CTNND2: variants seen among roughly 807,000 people sequenced by gnomAD.
The protein encoded by CTNND2 is catenin delta 2, also known as catenin delta-2.
CTNND2 carries 22 observed loss-of-function variants against 144.4 expected under a neutral mutation model. The ratio of observed to expected loss-of-function variants is 0.15; its 90% CI spans 0.11 to 0.22. The LOEUF is 0.22. Among genes scored for constraint, CTNND2 ranks in the 10% least tolerant of loss-of-function variants. CTNND2 has a pLI of 1.00. For synonymous variants in CTNND2, 751 were observed against 695.6 expected (o/e 1.08, Z -1.25); for missense variants, 1,353 against 1,618.8 (o/e 0.84, Z 2.82).
At chr5:11,654,900 C>T (rs13183398) in intron 2 of CTNND2, among the ~76,000 whole-genome samples, 15,078 of 151,812 alleles carry the variant, frequency 0.099, 906 homozygotes, top group African/African-American at 0.15. Context: ...TCATATATGG[C>T]CTTTATTATG....
chr5:11,083,189 AT>A (rs1172146018), intron 15 of CTNND2, among the ~76,000 whole-genome samples: 1 of 152,214 alleles, frequency 6.6e-6, no homozygotes, highest in Non-Finnish European at 1.5e-5. Flanking sequence ...GGCCAGTGGC[AT>A]TAAAGAGAAA....
At chr5:11,488,875 C>T (rs968716352) in intron 3 of CTNND2, among the ~76,000 whole-genome samples, 1 of 152,196 alleles carries the variant, frequency 6.6e-6, no homozygotes, top group Non-Finnish European at 1.5e-5. Context: ...TTCCTTGAAG[C>T]TGTTGTGTAC....
chr5:11,398,322 T>C (rs1011565105), intron 5 of CTNND2, among the ~76,000 whole-genome samples: 14 of 152,212 alleles, frequency 9.2e-5, no homozygotes, highest in African/African-American at 3.4e-4. Flanking sequence ...GAATGGAACA[T>C]GACTTTATAT....
intron 1 of CTNND2, among the ~76,000 whole-genome samples, chr5:11,871,241 G>A (rs1735092291): frequency 6.6e-6 from 1 of 152,118 alleles, no homozygotes; most frequent in East Asian, 1.9e-4. Context: ...GTTCTAGCAG[G>A]CACAAACTGA....
intron 9 of CTNND2, among the ~76,000 whole-genome samples, chr5:11,265,432 C>A (rs1745335938): frequency 6.6e-6 from 1 of 152,164 alleles, no homozygotes. Flanking sequence ...TGATGTCCCA[C>A]AACACAAGCC....
At chr5:11,759,480 C>T (rs1789135877) in intron 1 of CTNND2, among the ~76,000 whole-genome samples, 1 of 152,018 alleles carries the variant, frequency 6.6e-6, no homozygotes, top group Non-Finnish European at 1.5e-5. Context: ...GGTAGTTATA[C>T]AGATTTTTGT....
chr5:10,991,637 C>T (rs749826276), intron 19 of CTNND2, among the ~76,000 whole-genome samples: 3 of 151,786 alleles, frequency 2.0e-5, no homozygotes, highest in South Asian at 2.1e-4. Context: ...AGTATTTTTA[C>T]GAATACAAGA....
At chr5:11,210,221 AC>A (rs1287798700) in intron 10 of CTNND2, among the ~76,000 whole-genome samples, 6 of 152,020 alleles carry the variant, frequency 3.9e-5, no homozygotes, top group African/African-American at 1.2e-4. Flanking sequence ...ACTTGGCAAA[AC>A]CCTGTCTCTA....
At chr5:11,647,821 T>C (rs1167150593) in intron 2 of CTNND2, among the ~76,000 whole-genome samples, 4 of 152,134 alleles carry the variant, frequency 2.6e-5, no homozygotes, top group Non-Finnish European at 4.4e-5. Context: ...CATCCAGCCA[T>C]GATCTTGCTC....
At chr5:11,428,131 A>C (rs1464797374) in intron 3 of CTNND2, among the ~76,000 whole-genome samples, 1 of 152,058 alleles carries the variant, frequency 6.6e-6, no homozygotes, top group African/African-American at 2.4e-5. Flanking sequence ...CTCCTATAAC[A>C]CGTGGGAATT....
intron 12 of CTNND2, among the ~76,000 whole-genome samples, chr5:11,145,389 G>A (rs1757146739): frequency 6.6e-6 from 1 of 152,044 alleles, no homozygotes; most frequent in South Asian, 2.1e-4. Flanking sequence ...TTTACAGAGG[G>A]AGAAACTGAG....
At chr5:11,725,522 A>G (rs1786966434) in intron 2 of CTNND2, among the ~76,000 whole-genome samples, 1 of 152,130 alleles carries the variant, frequency 6.6e-6, no homozygotes. Flanking sequence ...GTCATAGAAA[A>G]ATATTTTTCT....
chr5:11,875,537 G>A, intron 1 of CTNND2, among the ~76,000 whole-genome samples: 1 of 152,156 alleles, frequency 6.6e-6, no homozygotes, highest in East Asian at 1.9e-4. Flanking sequence ...GGGCCTTTGA[G>A]AGAAAATTAT....
chr5:11,896,645 T>C lies in CTNND2; in HGVS notation c.37+7172A>G, dbSNP rs11949042. Among the ~76,000 whole-genome samples, 177 of 152,216 alleles carry C rather than the reference T, an allele frequency of 1.2e-3. 1 individual carries two copies. The highest frequency in any genetic ancestry group is 4.1e-3 in the African/African-American group (169 of 41,550). Reference sequence around the variant, plus strand: ...TCTTCTGCATAATGTAATATATATATTAAACTATGATATATTTAGTGGAAA... The same window carrying C: ...TCTTCTGCATAATGTAATATATATACTAAACTATGATATATTTAGTGGAAA... On this transcript the variant is annotated intron_variant, in intron 1 of 21. Transcript: ENST00000304623.
chr5:11,600,452 T>A (rs1779727160), intron 2 of CTNND2, among the ~76,000 whole-genome samples: 1 of 152,126 alleles, frequency 6.6e-6, no homozygotes, highest in South Asian at 2.1e-4. Flanking sequence ...ACGCCTGTAA[T>A]CCCAGCACTT....
chr5:11,352,710 A>G (rs543002693), intron 8 of CTNND2, among the ~76,000 whole-genome samples: 5 of 152,318 alleles, frequency 3.3e-5, no homozygotes, highest in African/African-American at 9.6e-5. Context: ...TTAAAAATGC[A>G]AGCTCCTCAT....
chr5:11,389,405 A>G (rs568997438), intron 6 of CTNND2, among the ~76,000 whole-genome samples: 1 of 152,200 alleles, frequency 6.6e-6, no homozygotes, highest in African/African-American at 2.4e-5. Flanking sequence ...CATCAAAGCT[A>G]TTACAAATTA....
At chr5:11,479,427 C>A (rs1007466488) in intron 3 of CTNND2, among the ~76,000 whole-genome samples, 3 of 152,104 alleles carry the variant, frequency 2.0e-5, no homozygotes, top group Admixed American at 2.0e-4. Context: ...GATAACATGT[C>A]TTTGCTATTG....
chr5:11,551,988 A>C (rs925852158), intron 3 of CTNND2, among the ~76,000 whole-genome samples: 1 of 151,840 alleles, frequency 6.6e-6, no homozygotes, highest in Non-Finnish European at 1.5e-5. Flanking sequence ...CCCTGGCCTC[A>C]AGTGATCCTG....
Sources: gnomAD v4.1 joint callset for allele counts (sites outside exome capture counted in the v4.1 genomes callset) on GRCh38, gnomAD v4.1.1 for gene constraint, MANE v1.5 for transcripts, NCBI Gene and HGNC (gene_info 2026-07-23, HGNC 2026-07-21) for gene names.